Variants in SPATA2 observed in about 807,000 individuals in gnomAD.
The protein encoded by SPATA2 is spermatogenesis-associated protein 2.
A neutral mutation model predicts 35.4 loss-of-function variants in SPATA2; 8 were observed. The observed-to-expected ratio is 0.23, with a 90% CI of 0.13 to 0.41. The LOEUF (loss-of-function observed/expected upper bound fraction) is 0.41. Ranked by LOEUF, SPATA2 falls within the 10% of genes least tolerant of loss-of-function variation. The probability of loss-of-function intolerance (pLI) is 1.00; values close to 1 mark genes in which losing one functional copy is unlikely to be tolerated. For missense variants in SPATA2, 650 were observed against 698.7 expected (o/e 0.93, Z 0.79); for synonymous variants, 293 against 300.9 (o/e 0.97, Z 0.27).
In SPATA2 at chr20:49,903,947, AT is replaced by A. The variant is rs1568904565; in HGVS notation, c.*1671del. On this transcript the variant is annotated 3_prime_UTR_variant, in exon 3 of 3. Coordinates refer to ENST00000289431, the MANE Select transcript of SPATA2 (RefSeq NM_006038.4). ...TATATATATATATATATATATATATATATATTAAAAAGAGAGCCATAGAAGA... is the reference window on the plus strand; with the variant it reads ...TATATATATATATATATATATATATAATATTAAAAAGAGAGCCATAGAAGA... 10 of 96,840 alleles carry A rather than the reference AT, an allele frequency of 1.0e-4. No homozygotes were observed. Among genetic ancestry groups the A allele is most frequent in the South Asian group, 3.5e-4 (1 of 2,818 alleles). The allele number at this position is 96,840 out of a possible 1,614,324, so 6.0% of individuals were successfully genotyped here. A position where few individuals can be genotyped will look rare whatever the true frequency, so the allele number is the denominator to read the frequency against.
At chr20:49,911,539 C>T (rs914415280) in intron 1 of SPATA2, among the ~76,000 whole-genome samples, 7 of 151,888 alleles carry the variant, frequency 4.6e-5, no homozygotes, top group South Asian at 2.1e-4. Context: ...TGGCAGCATG[C>T]GCCTGTAATC....
At position 49,905,862 on chromosome 20, in the gene SPATA2, G is replaced by A. The variant is rs141441052; in HGVS notation, c.1320C>T (p.Leu440=). 2.5e-6 allele frequency: 4 copies of A among 1,613,652 alleles called. No homozygotes were observed. The highest frequency in any genetic ancestry group is 1.3e-5 in the African/African-American group (1 of 75,048). ...TGGAGTGAAGGTGCGGGAGGCGGTC[G>A]AGGCCCTGAGTCTGGCCTGGGTACT... is the stretch of plus-strand genomic sequence containing the variant. ...REKYPGQTQG[L]DRLPHLHSKS... Residue 440 remains leucine (L), a synonymous_variant, in exon 3 of 3, where the codon CTC becomes CTT. Coordinates refer to ENST00000289431, the MANE Select transcript of SPATA2 (RefSeq NM_006038.4).
rs1411757927 is a variant in SPATA2, at chr20:49,905,228, C to T, written c.*391G>A. The stretch of plus-strand genomic sequence containing the variant: ...ATGTTTGGTGACCTGAAGGGCCCTT[C>T]CCAGTCCAAGTTGGCTTTGCAATGG... On this transcript the variant is annotated 3_prime_UTR_variant, in exon 3 of 3. Transcript: ENST00000289431. The T allele has an allele frequency of 5.3e-6, 1 of 189,182 alleles. No individual in the cohort carries two copies. Among genetic ancestry groups the T allele is most frequent in the Non-Finnish European group, 1.1e-5 (1 of 89,894 alleles). The allele number at this position is 189,182 out of a possible 1,614,324, so 11.7% of individuals were successfully genotyped here.
chr20:49,908,930 G>A (rs1568908252), intron 1 of SPATA2, among the ~76,000 whole-genome samples: 1 of 152,218 alleles, frequency 6.6e-6, no homozygotes, highest in East Asian at 1.9e-4. Flanking sequence ...AGTCTGCCAG[G>A]CCAAGAGGCC....
At position 49,906,951 on chromosome 20, in the gene SPATA2, G is replaced by T; in HGVS notation, c.337-106C>A. 1 of 1,277,516 alleles carries T rather than the reference G, an allele frequency of 7.8e-7. No individual in the cohort carries two copies. Among genetic ancestry groups the T allele is most frequent in the Non-Finnish European group, 1.1e-6 (1 of 930,536 alleles). 79.1% of individuals were successfully genotyped at this position (1,277,516 alleles called of 1,614,324 possible). On this transcript the variant is annotated intron_variant, in intron 2 of 2. Coordinates refer to ENST00000289431, the MANE Select transcript of SPATA2 (RefSeq NM_006038.4). The surrounding 1 kb of genome is among the most constrained non-coding windows in gnomAD (Gnocchi z 8.2). ...TCCAGCTCTGAAGTGGGGCGGCGGG[G>T]AGAGGGCAGGGCAGGGAAGGATCTC... is the stretch of plus-strand genomic sequence containing the variant.
Position 49,906,381 on chromosome 20 carries a change from G to C in SPATA2, c.801C>G (p.Pro267=), listed in dbSNP as rs200800749. ...TCCGAAGACTCAATGAGGCCTTCAGGGGTGGCTTCCGGCTCTCCCAGTAGC... is the reference window on the plus strand; with the variant it reads ...TCCGAAGACTCAATGAGGCCTTCAGCGGTGGCTTCCGGCTCTCCCAGTAGC... ...YDSYWESRKP[P]LKASLSLRKE... is the part of the protein sequence containing the mutation. Residue 267 remains proline (P), a synonymous_variant, in exon 3 of 3, where the codon CCC becomes CCG. Transcript: ENST00000289431. This position sits in a 1 kb window ranked among gnomAD's most constrained non-coding sequence, Gnocchi z 8.2. 1.9e-6 allele frequency: 3 copies of C among 1,613,872 alleles called. No homozygotes were observed. The Admixed American group carries it at 5.0e-5, about 27-fold the overall frequency.
Position 49,907,288 on chromosome 20 carries a change from T to C in SPATA2, c.337-443A>G, listed in dbSNP as rs886965279. ...GCTGGTCAAGCTGGTCTCAAACTCC[T>C]GACCTCGTGATCCACCCGCCTCGGC... On this transcript the variant is annotated intron_variant, in intron 2 of 2. Transcript: ENST00000289431. Among the ~76,000 whole-genome samples the C allele has an allele frequency of 7.2e-5, 11 of 152,342 alleles. No homozygotes were observed. In the South Asian group the frequency reaches 2.3e-3, roughly 32 times the overall value.
chr20:49,915,005 C>T (rs149903091), intron 1 of SPATA2, among the ~76,000 whole-genome samples: 37 of 152,350 alleles, frequency 2.4e-4, no homozygotes, highest in Admixed American at 1.0e-3. Flanking sequence ...AGTGACTTAT[C>T]CAAGGTCACA....
Position 49,903,930 on chromosome 20 carries a change from TA to T in SPATA2, c.*1688del, listed in dbSNP as rs2090123995. 1 of 130,000 alleles carries T rather than the reference TA, an allele frequency of 7.7e-6. No homozygotes were observed. Among genetic ancestry groups the T allele is most frequent in the Non-Finnish European group, 1.6e-5 (1 of 61,108 alleles). The allele number at this position is 130,000 out of a possible 1,614,324, so 8.1% of individuals were successfully genotyped here. A position where few individuals can be genotyped will look rare whatever the true frequency, so the allele number is the denominator to read the frequency against. On this transcript the variant is annotated 3_prime_UTR_variant, in exon 3 of 3. Coordinates refer to ENST00000289431, the MANE Select transcript of SPATA2 (RefSeq NM_006038.4). ...ATATATATATATATATATATATATA[TA>T]TATATATATATATATATATATTAAA...
chr20:49,908,081 A>T (rs2146831361), intron 2 of SPATA2, 74 bp downstream of exon 2: 1 of 1,397,684 alleles, frequency 7.2e-7, no homozygotes, highest in East Asian at 2.3e-5. Context: ...AGACTGGCAT[A>T]GCCTCTCAGG....
At chr20:49,912,591 A>G (rs984432593) in intron 1 of SPATA2, among the ~76,000 whole-genome samples, 3 of 152,232 alleles carry the variant, frequency 2.0e-5, no homozygotes, top group African/African-American at 4.8e-5. Context: ...ACACAGAGAC[A>G]TTAAGCTTCC....
Position 49,904,792 on chromosome 20 carries a change from T to C in SPATA2, c.*827A>G, listed in dbSNP as rs985973625. ...GAACCCAGGGCATTTAATAAATAGC[T>C]ACATAATTCATTTTTTTAACCACGT... On this transcript the variant is annotated 3_prime_UTR_variant, in exon 3 of 3. Transcript: ENST00000289431. 3.3e-5 allele frequency: 5 copies of C among 152,670 alleles called. No individual in the cohort carries two copies. The highest frequency in any genetic ancestry group is 6.5e-5 in the Admixed American group (1 of 15,284). 9.5% of individuals were successfully genotyped at this position (152,670 alleles called of 1,614,324 possible). A position where few individuals can be genotyped will look rare whatever the true frequency, so the allele number is the denominator to read the frequency against.
intron 1 of SPATA2, among the ~76,000 whole-genome samples, chr20:49,914,191 T>C (rs554939741): frequency 6.6e-6 from 1 of 152,218 alleles, no homozygotes; most frequent in African/African-American, 2.4e-5. Context: ...AAAAGAGATA[T>C]TGCACAGTCA....
chr20:49,903,935 ATATATATATATATATATT>A lies in SPATA2; in HGVS notation c.*1666_*1683del, dbSNP rs1183712533. ...TATATATATATATATATATATATATATATATATATATATATATTAAAAAGAGAGCCATAGAAGATTTGG... is the reference window on the plus strand; with the variant it reads ...TATATATATATATATATATATATATAAAAAAGAGAGCCATAGAAGATTTGG... On this transcript the variant is annotated 3_prime_UTR_variant, in exon 3 of 3. Transcript: ENST00000289431. The A allele has an allele frequency of 4.8e-5, 6 of 125,764 alleles. No homozygotes were observed. Among genetic ancestry groups the A allele is most frequent in the African/African-American group, 1.6e-4 (5 of 32,156 alleles). 7.8% of individuals were successfully genotyped at this position (125,764 alleles called of 1,614,324 possible). A position where few individuals can be genotyped will look rare whatever the true frequency, so the allele number is the denominator to read the frequency against.
In SPATA2 at chr20:49,903,947, A is replaced by ATG. The variant is rs1165985315; in HGVS notation, c.*1671_*1672insCA. ...TATATATATATATATATATATATAT[A>ATG]TATATTAAAAAGAGAGCCATAGAAG... On this transcript the variant is annotated 3_prime_UTR_variant, in exon 3 of 3. Transcript: ENST00000289431. 101 of 96,836 alleles carry ATG rather than the reference A, an allele frequency of 1.0e-3. 1 individual carries two copies. The highest frequency in any genetic ancestry group is 1.4e-3 in the South Asian group (4 of 2,818). The allele number at this position is 96,836 out of a possible 1,614,324, so 6.0% of individuals were successfully genotyped here.
intron 1 of SPATA2, among the ~76,000 whole-genome samples, chr20:49,910,167 C>T (rs999038856): frequency 1.1e-4 from 17 of 152,212 alleles, no homozygotes; most frequent in Admixed American, 1.3e-4. Flanking sequence ...AGACAACACG[C>T]GCAGGGTCAC....
rs1290833090 is a variant in SPATA2, at chr20:49,905,496, T to C, written c.*123A>G. On this transcript the variant is annotated 3_prime_UTR_variant, in exon 3 of 3. Coordinates refer to ENST00000289431, the MANE Select transcript of SPATA2 (RefSeq NM_006038.4). Reference sequence around the variant, plus strand: ...ACGTGGACACAGCCAGCCCACGATCTCTGCCACCTACATGGTCAAGTGCAG... The same window carrying C: ...ACGTGGACACAGCCAGCCCACGATCCCTGCCACCTACATGGTCAAGTGCAG... 1.8e-6 allele frequency: 2 copies of C among 1,113,674 alleles called. No homozygotes were observed. Among genetic ancestry groups the C allele is most frequent in the Non-Finnish European group, 2.6e-6 (2 of 779,832 alleles). 69.0% of individuals were successfully genotyped at this position (1,113,674 alleles called of 1,614,324 possible). A position where few individuals can be genotyped will look rare whatever the true frequency, so the allele number is the denominator to read the frequency against.
At chr20:49,912,068 T>C (rs1183190947) in intron 1 of SPATA2, among the ~76,000 whole-genome samples, 3 of 152,186 alleles carry the variant, frequency 2.0e-5, no homozygotes, top group Non-Finnish European at 4.4e-5. Context: ...TGGAAGAGCA[T>C]ACCACCTAGT....
Position 49,908,469 on chromosome 20 carries a change from C to A in SPATA2, c.22G>T (p.Asp8Tyr), listed in dbSNP as rs376421144. The change falls in exon 2 of 3, where the codon GAT becomes TAT. Residue 8 changes from aspartate to tyrosine, a missense_variant. Physicochemically the swap from Asp to Tyr is radical, Grantham distance 160. Coordinates refer to ENST00000289431, the MANE Select transcript of SPATA2 (RefSeq NM_006038.4). ...AATAAGTCATCCTTGAATTTAGTAT[C>A]CATTGAACTGGGCTTCCCCATCCGA... MGKPSSMDTKFKDDLFRK... is the reference protein window; with the variant it reads MGKPSSMYTKFKDDLFRK... 1 of 1,600,412 alleles carries A rather than the reference C, an allele frequency of 6.2e-7. No individual in the cohort carries two copies. The highest frequency in any genetic ancestry group is 2.2e-5 in the East Asian group (1 of 44,522).
Sources: gnomAD v4.1 joint callset for allele counts (sites outside exome capture counted in the v4.1 genomes callset) on GRCh38, gnomAD v4.1.1 for gene constraint, Gnocchi (gnomAD v3.1) non-coding constraint, MANE v1.5 for transcripts, NCBI Gene and HGNC (gene_info 2026-07-23, HGNC 2026-07-21) for gene names.